TRPM1: variants seen among roughly 807,000 people sequenced by gnomAD.
TRPM1 encodes the protein transient receptor potential cation channel subfamily M member 1, also known as TRPM1-203 APA Isoform, Intron 10.
In TRPM1, 113 loss-of-function variants were observed where a neutral mutation model predicts 149.4. The observed-to-expected ratio is 0.76, with a 90% CI of 0.65 to 0.88. The LOEUF is 0.88. Ranked by LOEUF, TRPM1 falls within the 40% of genes least tolerant of loss-of-function variation. TRPM1 has a pLI of 0.00. For synonymous variants in TRPM1, 741 were observed against 759.5 expected, an observed-to-expected ratio of 0.98 and a Z score of 0.40; for missense variants, 1,976 against 2,038.7, an observed-to-expected ratio of 0.97 and a Z score of 0.59.
chr15:31,013,744 G>T (rs1000225525), intron 27 of TRPM1, among the ~76,000 whole-genome samples: 1 of 152,050 alleles, frequency 6.6e-6, no homozygotes, highest in African/African-American at 2.4e-5. Context: ...GTTGTTTGTT[G>T]TTTGTTTAGT....
At chr15:31,030,949 G>A in intron 23 of TRPM1, 34 bp downstream of exon 23, 1 of 1,612,710 alleles carries the variant, frequency 6.2e-7, no homozygotes, top group Non-Finnish European at 8.5e-7. Context: ...CTCAGAAGCA[G>A]GGAAGAGAAT....
chr15:31,005,702 C>T (rs142326880), intron 27 of TRPM1, among the ~76,000 whole-genome samples: 375 of 152,220 alleles, frequency 2.5e-3, no homozygotes, highest in African/African-American at 7.9e-3. Flanking sequence ...TTTTATAGTA[C>T]GTATGAAAGA....
chr15:31,102,168 G>A (rs188546991), upstream of TRPM1, among the ~76,000 whole-genome samples: 7 of 152,354 alleles, frequency 4.6e-5, no homozygotes, highest in South Asian at 2.1e-4. Flanking sequence ...AGGTCAGGGT[G>A]AACCCAGCTG....
At chr15:31,149,496 C>CTATA (rs2036264559) in intron 1 of TRPM1, among the ~76,000 whole-genome samples, 1 of 150,580 alleles carries the variant, frequency 6.6e-6, no homozygotes, top group South Asian at 2.1e-4. Context: ...TGCATGGCTG[C>CTATA]TATAGCTCGT....
In TRPM1 at chr15:31,002,829, C is replaced by T. The variant is rs375648893; in HGVS notation, c.3871G>A (p.Gly1291Ser). 2 of 1,614,168 alleles carry T rather than the reference C, an allele frequency of 1.2e-6. No individual in the cohort carries two copies. The highest frequency in any genetic ancestry group is 1.7e-6 in the Non-Finnish European group (2 of 1,180,038). ...LRQSSINSADGYSLYRYHFNG... is the reference protein window; with the variant it reads ...LRQSSINSADSYSLYRYHFNG... ...AAATGATATCGATACAAGCTGTAGC[C>T]ATCAGCGCTATTGATGCTGCTTTGC... Residue 1291 changes from glycine (G) to serine (S), a missense_variant, in exon 28 of 28, where the codon GGC (glycine) becomes AGC (serine). Gly to Ser is a moderately conservative substitution (Grantham distance 56). Transcript: ENST00000256552.
Position 31,127,520 on chromosome 15 carries a change from A to G in TRPM1, c.54+33386T>C, listed in dbSNP as rs190589410. Among the ~76,000 whole-genome samples the G allele has an allele frequency of 9.8e-5, 15 of 152,382 alleles. No homozygotes were observed. The East Asian group carries it at 2.9e-3, about 29-fold the overall frequency. On this transcript the variant is annotated intron_variant, in intron 1 of 26. Transcript: ENST00000542188. Reference sequence around the variant, plus strand: ...GAAAGTGGGAAGGTGGCCCTGTGGCAGCTGAGGGCAGCCCAGGACAGGGAG... The same window carrying G: ...GAAAGTGGGAAGGTGGCCCTGTGGCGGCTGAGGGCAGCCCAGGACAGGGAG...
At chr15:31,133,695 A>C (rs1359925456) in intron 1 of TRPM1, among the ~76,000 whole-genome samples, 1 of 149,944 alleles carries the variant, frequency 6.7e-6, no homozygotes. Context: ...CAAAACAAAA[A>C]AAAAATTGGG....
Position 31,067,084 on chromosome 15 carries a change from C to G in TRPM1, c.597G>C (p.Lys199Asn). Residue 199 changes from lysine (K) to asparagine (N), a missense_variant, in exon 6 of 28, where the codon AAG (lysine) becomes AAC (asparagine). Transcript: ENST00000256552. ...TTACATCCTTTCCAACCAGGTCTTC[C>G]TTATTCTCCACGATGCCCCATGGAG... The part of the protein sequence containing the change: ...GIAPWGIVEN[K>N]EDLVGKDVTR... 5.0e-6 allele frequency: 8 copies of G among 1,614,124 alleles called. No individual in the cohort carries two copies. Among genetic ancestry groups the G allele is most frequent in the Non-Finnish European group, 6.8e-6 (8 of 1,180,016 alleles).
chr15:31,050,872 T>C (rs1052006698), intron 11 of TRPM1, among the ~76,000 whole-genome samples: 1 of 152,180 alleles, frequency 6.6e-6, no homozygotes, highest in Non-Finnish European at 1.5e-5. Context: ...ACACTTGACT[T>C]GATGCAGCGA....
In TRPM1 at chr15:31,066,244, T is replaced by A. The variant is rs1198344452; in HGVS notation, c.622A>T (p.Thr208Ser). The A allele has an allele frequency of 1.9e-6, 3 of 1,614,064 alleles. No homozygotes were observed. The African/African-American group carries it at 4.0e-5, about 22-fold the overall frequency. ...TTGGACATGGTCTGGTACACTCTTG[T>A]TACCTGACAAAGTGCACAGCGCAAA... The part of the protein sequence containing the change: ...NKEDLVGKDV[T>S]RVYQTMSNPL... The change falls in exon 7 of 28, where the codon ACA (threonine) becomes TCA (serine). Residue 208 changes from threonine (T) to serine (S), a missense_variant. By Grantham distance (58) the Thr-to-Ser change is moderately conservative. Around this residue, in one of 3 missense-constraint regions of TRPM1, gnomAD observed 1,332 missense variants for 1,347.1 expected, o/e 0.99. Transcript: ENST00000256552.
chr15:31,103,228 T>C (rs1035407998), upstream of TRPM1, among the ~76,000 whole-genome samples: 2 of 152,096 alleles, frequency 1.3e-5, no homozygotes, highest in Non-Finnish European at 2.9e-5. Context: ...ATGGAAACAA[T>C]GGGAGCCCCA....
At chr15:31,035,210 G>A (rs538204693) in intron 21 of TRPM1, among the ~76,000 whole-genome samples, 1 of 152,300 alleles carries the variant, frequency 6.6e-6, no homozygotes, top group South Asian at 2.1e-4. Context: ...CACCATGTTG[G>A]CCAGGCTGGT....
intron 1 of TRPM1, among the ~76,000 whole-genome samples, chr15:31,154,039 A>T (rs564490340): frequency 6.6e-6 from 1 of 152,252 alleles, no homozygotes; most frequent in Non-Finnish European, 1.5e-5. Flanking sequence ...GCTACTGGCC[A>T]TACCCAGAGG....
intron 11 of TRPM1, among the ~76,000 whole-genome samples, chr15:31,053,643 G>A (rs62038929): frequency 0.029 from 4,381 of 152,284 alleles, 131 homozygotes; most frequent in Admixed American, 0.093. Flanking sequence ...GTGCACTGTG[G>A]GTGGAAATGT....
rs1427091242 is a variant in TRPM1, at chr15:31,096,564, T to A, written c.-84+5093A>T. On this transcript the variant is annotated intron_variant, in intron 1 of 27. Transcript: ENST00000256552. Reference sequence around the variant, plus strand: ...AGCTCACTCCGAAAAGCACAGCAGTTGGGAAGGTGTTGTGTTAAGGAGCTC... The same window carrying A: ...AGCTCACTCCGAAAAGCACAGCAGTAGGGAAGGTGTTGTGTTAAGGAGCTC... Among the ~76,000 whole-genome samples the A allele has an allele frequency of 3.3e-5, 5 of 152,098 alleles. No homozygotes were observed. In the East Asian group the frequency reaches 9.6e-4, roughly 29 times the overall value.
rs758700779 is a variant in TRPM1 at position 31,067,203 on chromosome 15, G to A, written c.494-16C>T. The A allele has an allele frequency of 6.2e-7, 1 of 1,614,044 alleles. No individual in the cohort carries two copies. The highest frequency in any genetic ancestry group is 8.5e-7 in the Non-Finnish European group (1 of 1,180,002). ...CTGATAACACCTGTGAGCAGCCATT[G>A]GTCATATTTTAGGCTCTTTTACTTC... On this transcript the variant is annotated splice_polypyrimidine_tract_variant and intron_variant, in intron 5 of 27. Coordinates refer to ENST00000256552, the MANE Select transcript of TRPM1 (RefSeq NM_001252024.2).
At chr15:31,076,804 G>A in intron 3 of TRPM1, 101 bp downstream of exon 3, 1 of 922,584 alleles carries the variant, frequency 1.1e-6, no homozygotes, top group Non-Finnish European at 1.8e-6. Flanking sequence ...AATGGATTCT[G>A]GCCACCCTTC....
chr15:31,066,015 G>A lies in TRPM1; in HGVS notation c.790+61C>T, dbSNP rs62038939. The A allele has an allele frequency of 0.027, 42,619 of 1,577,082 alleles. 1,092 individuals are homozygous for A. The highest frequency in any genetic ancestry group is 0.12 in the Admixed American group (7,176 of 58,870). On this transcript the variant is annotated intron_variant, in intron 7 of 27. Coordinates refer to ENST00000256552, the MANE Select transcript of TRPM1 (RefSeq NM_001252024.2). ...CCTTGGGCAATCAATCTCCTTCTCA[G>A]CCTTGTTTCCACTGTGATGGCATCA... is the stretch of plus-strand genomic sequence containing the variant.
chr15:31,090,347 T>C (rs144038044), intron 1 of TRPM1, among the ~76,000 whole-genome samples: 6 of 152,294 alleles, frequency 3.9e-5, no homozygotes, highest in Non-Finnish European at 2.9e-5. Flanking sequence ...CATATGAAAC[T>C]GCATCCTGGG....
Sources: gnomAD v4.1 joint callset for allele counts (sites outside exome capture counted in the v4.1 genomes callset) on GRCh38, gnomAD v4.1.1 for gene constraint, gnomAD v4.1.1 regional missense constraint, MANE v1.5 for transcripts, NCBI Gene and HGNC (gene_info 2026-07-23, HGNC 2026-07-21) for gene names.